KYAT3: variants seen among roughly 807,000 people sequenced by gnomAD.
KYAT3 encodes the protein kynurenine aminotransferase 3, also known as kynurenine--oxoglutarate transaminase 3.
A neutral mutation model predicts 59.0 loss-of-function variants in KYAT3; 50 were observed. The observed-to-expected ratio is 0.85, with a 90% CI of 0.68 to 1.07. The LOEUF (loss-of-function observed/expected upper bound fraction) is 1.07, where lower values mean the gene tolerates loss of function less well. Among genes scored for constraint, KYAT3 ranks in the 50% least tolerant of loss-of-function variants. The pLI, the probability that KYAT3 is intolerant of heterozygous loss-of-function variation, is 0.00. For synonymous variants in KYAT3, 148 were observed against 177.0 expected (o/e 0.84, Z 1.30); for missense variants, 497 against 533.3 (o/e 0.93, Z 0.67).
downstream of KYAT3, among the ~76,000 whole-genome samples, chr1:88,933,559 G>T (rs78469097): frequency 1.3e-5 from 2 of 152,174 alleles, no homozygotes; most frequent in Non-Finnish European, 2.9e-5. Flanking sequence ...GACTCAATCA[G>T]TGAAAGAATT....
the KYAT3 span, among the ~76,000 whole-genome samples, chr1:88,926,226 C>T: frequency 6.6e-6 from 1 of 152,182 alleles, no homozygotes; most frequent in Admixed American, 6.5e-5. Flanking sequence ...TAACACCAAC[C>T]ACTGATAATT....
At chr1:88,951,410 C>T (rs1432557277) in intron 10 of KYAT3, among the ~76,000 whole-genome samples, 1 of 151,536 alleles carries the variant, frequency 6.6e-6, no homozygotes, top group Non-Finnish European at 1.5e-5. Flanking sequence ...AATTTTTGTA[C>T]TTTTAGTAGA....
intron 8 of KYAT3, among the ~76,000 whole-genome samples, chr1:88,958,311 T>A (rs1676001906): frequency 1.3e-5 from 2 of 152,056 alleles, no homozygotes; most frequent in Admixed American, 1.3e-4. Flanking sequence ...TCTTCCCACC[T>A]TCAAATGCTA....
downstream of KYAT3, among the ~76,000 whole-genome samples, chr1:88,931,931 A>G (rs886328360): frequency 1.6e-4 from 20 of 126,514 alleles, no homozygotes; most frequent in South Asian, 4.0e-3. Flanking sequence ...CCTCTCCCCA[A>G]CTCAGGTCTC....
rs190057915 is a variant in KYAT3 at position 88,953,303 on chromosome 1, G to C, written c.865-151C>G. On this transcript the variant is annotated intron_variant, in intron 9 of 13. Coordinates refer to ENST00000260508, the MANE Select transcript of KYAT3 (RefSeq NM_001008661.3). ...CTCACACCTGTAATCCCAGCACTTT[G>C]GGAAGCCGAGGTGGGTGGATCACTT... The C allele has an allele frequency of 2.9e-3, 1,706 of 586,730 alleles. 21 individuals are homozygous for C. The African/African-American group carries it at 0.03, about 10-fold the overall frequency. The allele number at this position is 586,730 out of a possible 1,614,324, so 36.3% of individuals were successfully genotyped here. A position where few individuals can be genotyped will look rare whatever the true frequency, so the allele number is the denominator to read the frequency against.
intron 1 of KYAT3, among the ~76,000 whole-genome samples, chr1:88,991,615 G>A (rs531126804): frequency 6.6e-6 from 1 of 152,374 alleles, no homozygotes; most frequent in Admixed American, 6.5e-5. Flanking sequence ...TAGAACAAGA[G>A]CGGAAAGAAT....
At chr1:88,965,835 AG>A (rs1307220465) in intron 4 of KYAT3, among the ~76,000 whole-genome samples, 1 of 152,146 alleles carries the variant, frequency 6.6e-6, no homozygotes, top group African/African-American at 2.4e-5. Context: ...TTTGTTTGAA[AG>A]CACTTTGGGC....
At chr1:88,959,726 T>C (rs2101042308) in intron 8 of KYAT3, among the ~76,000 whole-genome samples, 1 of 152,122 alleles carries the variant, frequency 6.6e-6, no homozygotes, top group African/African-American at 2.4e-5. Flanking sequence ...GGAGTTTAGT[T>C]TCTATTTCTC....
In KYAT3 at chr1:88,940,038, T is replaced by G. The variant is rs184126326; in HGVS notation, c.1302+2967A>C. 1.2e-3 allele frequency among the ~76,000 whole-genome samples: 177 copies of G among 152,230 alleles called. 1 individual carries two copies. The highest frequency in any genetic ancestry group is 3.4e-3 in the Middle Eastern group (1 of 294). On this transcript the variant is annotated intron_variant, in intron 13 of 13. Transcript: ENST00000260508. The stretch of plus-strand genomic sequence containing the variant: ...TTTCCTTATACTGTCCTATATAGAT[T>G]CACAGTTGGTTCCTCTTTTATTATT...
Position 88,953,099 on chromosome 1 carries a change from T to A in KYAT3, c.918A>T (p.Gln306His), listed in dbSNP as rs1440954566. 1.9e-6 allele frequency: 3 copies of A among 1,613,484 alleles called. No individual in the cohort carries two copies. The highest frequency in any genetic ancestry group is 2.5e-6 in the Non-Finnish European group (3 of 1,179,416). The change falls in exon 10 of 14, where the codon CAA (glutamine) becomes CAT (histidine). Residue 306 changes from glutamine (Q) to histidine (H), a missense_variant. This residue lies in a region of KYAT3 where 469 missense variants were observed against 479.1 expected (regional missense o/e 0.98). Coordinates refer to ENST00000260508, the MANE Select transcript of KYAT3 (RefSeq NM_001008661.3). ...NHLIKHLQTV[Q>H]QNTIYTCATP... ...TTGCACAAGTATAAATCGTGTTTTG[T>A]TGAACTGTCTGTAAATGTTTTATCA...
intron 2 of KYAT3, among the ~76,000 whole-genome samples, chr1:88,987,598 T>G (rs187218544): frequency 6.6e-6 from 1 of 152,338 alleles, no homozygotes; most frequent in East Asian, 1.9e-4. Flanking sequence ...TATAAAACAC[T>G]CATATGCACA....
chr1:88,991,435 G>T (rs1469395753), intron 1 of KYAT3, among the ~76,000 whole-genome samples: 1 of 152,212 alleles, frequency 6.6e-6, no homozygotes, highest in East Asian at 1.9e-4. Context: ...CGCCCACACT[G>T]TTACAAGAGT....
chr1:88,934,261 G>A (rs1312286737), downstream of KYAT3, among the ~76,000 whole-genome samples: 1 of 151,888 alleles, frequency 6.6e-6, no homozygotes, highest in Non-Finnish European at 1.5e-5. Flanking sequence ...TTGAGACCAG[G>A]CTGGCCAACA....
intron 8 of KYAT3, among the ~76,000 whole-genome samples, chr1:88,958,876 C>G (rs1676029419): frequency 6.6e-6 from 1 of 152,156 alleles, no homozygotes; most frequent in Non-Finnish European, 1.5e-5. Context: ...AGTTTCAGAA[C>G]CACTGACCTC....
chr1:88,974,764 G>A (rs984520557), intron 2 of KYAT3, among the ~76,000 whole-genome samples: 4 of 151,912 alleles, frequency 2.6e-5, no homozygotes, highest in African/African-American at 9.7e-5. Context: ...CAGCGCTCTG[G>A]GTCTTGCTAA....
chr1:88,972,537 T>G (rs1484976947), intron 2 of KYAT3, among the ~76,000 whole-genome samples: 1 of 152,196 alleles, frequency 6.6e-6, no homozygotes, highest in East Asian at 1.9e-4. Context: ...CGTTTATGCT[T>G]CAGTGATAAA....
At chr1:88,930,050 A>C in the KYAT3 span, among the ~76,000 whole-genome samples, 34 of 152,324 alleles carry the variant, frequency 2.2e-4, no homozygotes, top group African/African-American at 8.2e-4. Context: ...TTTATATGTC[A>C]CAGAAAAAAC....
intron 10 of KYAT3, among the ~76,000 whole-genome samples, chr1:88,950,091 C>T (rs1214021997): frequency 6.6e-6 from 1 of 152,152 alleles, no homozygotes; most frequent in Non-Finnish European, 1.5e-5. Context: ...AAGGCACCAT[C>T]CGTGAAGAAG....
intron 8 of KYAT3, among the ~76,000 whole-genome samples, chr1:88,956,009 T>A (rs1675899029): frequency 6.6e-6 from 1 of 152,224 alleles, no homozygotes; most frequent in African/African-American, 2.4e-5. Context: ...ACACTTTTTT[T>A]ATCTCAAAAG....
Sources: allele counts gnomAD v4.1 joint callset (sites outside exome capture counted in the v4.1 genomes callset), GRCh38; gene constraint gnomAD v4.1.1; regional missense constraint gnomAD v4.1.1; transcripts MANE v1.5; gene names NCBI Gene and HGNC (gene_info 2026-07-23, HGNC 2026-07-21).